Variants in PCID2 observed in about 807,000 individuals in gnomAD.
PCID2 encodes PCI domain containing 2.
PCID2 carries 41 observed loss-of-function variants against 61.3 expected under a neutral mutation model. The observed-to-expected ratio is 0.67, with a 90% CI of 0.52 to 0.87. The LOEUF (loss-of-function observed/expected upper bound fraction) is 0.87. Ranked by LOEUF, PCID2 falls within the 40% of genes least tolerant of loss-of-function variation. PCID2 has a pLI of 0.00. For synonymous variants in PCID2, 187 were observed against 177.8 expected (o/e 1.05, Z -0.41); for missense variants, 392 against 493.4 (o/e 0.79, Z 1.95).
At chr13:113,200,739 G>A (rs531160463) in intron 1 of PCID2, 32 of 332,464 alleles carry the variant, frequency 9.6e-5, no homozygotes, top group African/African-American at 8.1e-4. Flanking sequence ...TCGCTCTGTC[G>A]CCCAGGTCGG....
chr13:113,181,586 A>C (rs1275814235), intron 9 of PCID2, among the ~76,000 whole-genome samples: 1 of 152,234 alleles, frequency 6.6e-6, no homozygotes, highest in Non-Finnish European at 1.5e-5. Flanking sequence ...AAATATAAAG[A>C]CATATTTAAA....
the PCID2 span, chr13:113,170,510 G>T: frequency 4.4e-6 from 7 of 1,583,650 alleles, no homozygotes; most frequent in Non-Finnish European, 5.2e-6. Flanking sequence ...CTGTTACACA[G>T]GAATATTACT....
rs1036800051 is a variant in PCID2, at chr13:113,208,394, G to A, written c.36+205C>T. On this transcript the variant is annotated intron_variant, in intron 1 of 13. Coordinates refer to ENST00000337344, the MANE Select transcript of PCID2 (RefSeq NM_001127202.4). ...TCCACGGACACCGCCCGGCCCCCAC[G>A]GCGGCCCTGCAGGGGAGAACTCGGG... 11 of 1,441,270 alleles carry A rather than the reference G, an allele frequency of 7.6e-6. No individual in the cohort carries two copies. The South Asian group carries it at 1.2e-4, about 15-fold the overall frequency. 89.3% of individuals were successfully genotyped at this position (1,441,270 alleles called of 1,614,324 possible).
intron 4 of PCID2, among the ~76,000 whole-genome samples, chr13:113,196,681 AG>A (rs2039039862): frequency 6.6e-6 from 1 of 152,230 alleles, no homozygotes; most frequent in South Asian, 2.1e-4. Flanking sequence ...GACAAAATCT[AG>A]AGATACATAC....
Position 113,179,902 on chromosome 13 carries a change from CG to C in PCID2, c.986+14del. 1.2e-6 allele frequency: 2 copies of C among 1,607,144 alleles called. No homozygotes were observed. Among genetic ancestry groups the C allele is most frequent in the Non-Finnish European group, 1.7e-6 (2 of 1,176,346 alleles). On this transcript the variant is annotated intron_variant, in intron 12 of 13. Transcript: ENST00000337344. The surrounding 1 kb of genome is among the most constrained non-coding windows in gnomAD (Gnocchi z 4.3). ...GAGCCACACTGGGAGCCCAATGTGC[CG>C]GGGAAATGCTTACACTTTCTTAAAG...
Position 113,200,282 on chromosome 13 carries a change from TA to T in PCID2, c.126+144del, listed in dbSNP as rs1235456334. 1.8e-5 allele frequency: 11 copies of T among 607,062 alleles called. No homozygotes were observed. In the Admixed American group the frequency reaches 2.8e-4, roughly 16 times the overall value. The allele number at this position is 607,062 out of a possible 1,614,324, so 37.6% of individuals were successfully genotyped here. A position where few individuals can be genotyped will look rare whatever the true frequency, so the allele number is the denominator to read the frequency against. On this transcript the variant is annotated intron_variant, in intron 2 of 13. Coordinates refer to ENST00000337344, the MANE Select transcript of PCID2 (RefSeq NM_001127202.4). The stretch of plus-strand genomic sequence containing the variant: ...CAGTGCTCCACAAATGGATTGAAAT[TA>T]CATAAATCATAAAGAAACTTTAAAA...
chr13:113,168,415 T>C, the PCID2 span, among the ~76,000 whole-genome samples: 7 of 152,226 alleles, frequency 4.6e-5, no homozygotes, highest in Admixed American at 3.3e-4. Flanking sequence ...ATGAAAGGCA[T>C]TGCGTCTGGC....
chr13:113,194,101 C>G (rs2038822225), intron 6 of PCID2, among the ~76,000 whole-genome samples: 1 of 152,212 alleles, frequency 6.6e-6, no homozygotes, highest in Non-Finnish European at 1.5e-5. Flanking sequence ...TGCTTAGCCT[C>G]TGACATCCAC....
chr13:113,207,959 A>G (rs1274573041), intron 1 of PCID2: 1 of 1,358,108 alleles, frequency 7.4e-7, no homozygotes, highest in African/African-American at 1.4e-5. Flanking sequence ...GGCATAGTTT[A>G]GTGGAAAGAA....
At chr13:113,183,169 C>T (rs1314029936) in intron 9 of PCID2, among the ~76,000 whole-genome samples, 1 of 152,162 alleles carries the variant, frequency 6.6e-6, no homozygotes, top group African/African-American at 2.4e-5. Flanking sequence ...TCAGTAATCT[C>T]AGAGCATCAC....
chr13:113,195,762 TA>T (rs2038969764), intron 5 of PCID2, among the ~76,000 whole-genome samples: 2 of 152,336 alleles, frequency 1.3e-5, no homozygotes, highest in South Asian at 4.1e-4. Flanking sequence ...AGTTTGTTAA[TA>T]AATCATAAAA....
rs370256676 is a variant in PCID2 at position 113,191,055 on chromosome 13, C to A, written c.364-80G>T. 9 of 898,478 alleles carry A rather than the reference C, an allele frequency of 1.0e-5. No homozygotes were observed. The African/African-American group carries it at 1.3e-4, about 13-fold the overall frequency. 55.7% of individuals were successfully genotyped at this position (898,478 alleles called of 1,614,324 possible). A position where few individuals can be genotyped will look rare whatever the true frequency, so the allele number is the denominator to read the frequency against. On this transcript the variant is annotated intron_variant, in intron 6 of 13. Coordinates refer to ENST00000337344, the MANE Select transcript of PCID2 (RefSeq NM_001127202.4). The stretch of plus-strand genomic sequence containing the variant: ...TCGTCCAGGCTGGACTGCAGTGGCA[C>A]AATCACACCTCACTGCAGCCTCAAC...
chr13:113,196,444 T>A (rs978615006), intron 4 of PCID2, among the ~76,000 whole-genome samples: 1 of 152,236 alleles, frequency 6.6e-6, no homozygotes, highest in African/African-American at 2.4e-5. Context: ...TCATACACAC[T>A]GTCTCCTAAA....
intron 9 of PCID2, among the ~76,000 whole-genome samples, chr13:113,182,724 G>A (rs193002830): frequency 5.9e-5 from 9 of 152,126 alleles, no homozygotes; most frequent in East Asian, 1.9e-4. Context: ...TCCTGACCTC[G>A]TGATCCACCC....
the PCID2 span, among the ~76,000 whole-genome samples, chr13:113,169,234 A>T: frequency 1.3e-5 from 2 of 152,184 alleles, no homozygotes; most frequent in African/African-American, 4.8e-5. Context: ...GCAATGTCTA[A>T]TCTGCCATTC....
At chr13:113,167,336 A>C in the PCID2 span, among the ~76,000 whole-genome samples, 18 of 152,244 alleles carry the variant, frequency 1.2e-4, no homozygotes, top group Non-Finnish European at 2.2e-4. Flanking sequence ...TATTATTCAT[A>C]AACACATGAA....
rs200574699 is a variant in PCID2, at chr13:113,178,181, C to T, written c.*17G>A. On this transcript the variant is annotated 3_prime_UTR_variant, in exon 14 of 14. Transcript: ENST00000337344. ...AAAGAAACAACTGCTCACCCGTCCTCGGGGCTCCGTGTACTTTCAACACAC... is the reference window on the plus strand; with the variant it reads ...AAAGAAACAACTGCTCACCCGTCCTTGGGGCTCCGTGTACTTTCAACACAC... 82 of 1,600,252 alleles carry T rather than the reference C, an allele frequency of 5.1e-5. No homozygotes were observed. The highest frequency in any genetic ancestry group is 6.4e-5 in the Non-Finnish European group (75 of 1,167,794).
downstream of PCID2, among the ~76,000 whole-genome samples, chr13:113,174,239 A>C (rs1365871857): frequency 6.9e-6 from 1 of 145,610 alleles, no homozygotes; most frequent in Non-Finnish European, 1.5e-5. Flanking sequence ...CTCCATCTCA[A>C]AAAAAAAAAA....
chr13:113,188,176 T>C (rs959041248), intron 7 of PCID2: 4 of 152,128 alleles, frequency 2.6e-5, no homozygotes, highest in African/African-American at 9.7e-5. Flanking sequence ...AACCTTTAAA[T>C]GAGTATAGAC....
Sources: gnomAD v4.1 joint callset for allele counts (sites outside exome capture counted in the v4.1 genomes callset) on GRCh38, gnomAD v4.1.1 for gene constraint, Gnocchi (gnomAD v3.1) non-coding constraint, MANE v1.5 for transcripts, NCBI Gene and HGNC (gene_info 2026-07-23, HGNC 2026-07-21) for gene names.